The following CEP290 variants were observed in gnomAD, a reference collection of about 807,000 sequenced individuals.
The protein encoded by CEP290 is centrosomal protein 290.
A neutral mutation model predicts 344.9 loss-of-function variants in CEP290; 317 were observed. The observed-to-expected ratio is 0.92, with a 90% confidence interval of 0.84 to 1.01. CEP290 has a LOEUF of 1.01. CEP290 is among the 50% of genes least tolerant of loss of function. The probability of loss-of-function intolerance (pLI) is 0.00; values close to 1 mark genes in which losing one functional copy is unlikely to be tolerated. For missense variants in CEP290, 2,754 were observed against 2,761.4 expected (o/e 1.00, Z 0.06); for synonymous variants, 932 against 895.8 (o/e 1.04, Z -0.72).
chr12:88,077,762 CTT>C lies in CEP290; in HGVS notation c.5519_5520del (p.Lys1840ArgfsTer4). On this transcript the variant is annotated frameshift_variant, in exon 40 of 54. Coordinates refer to ENST00000552810, the MANE Select transcript of CEP290 (RefSeq NM_025114.4). LOFTEE classifies it high-confidence loss of function. Reference sequence around the variant, plus strand: ...TCATCATTCTCTTGATCAATTTCCTCTTTCTCTCTAAGTATTTTATTATAGGC... The same window carrying C: ...TCATCATTCTCTTGATCAATTTCCTCTCTCTCTAAGTATTTTATTATAGGC... ...QKAYNKILRE[K>X]EEIDQENDEL... 6.3e-7 allele frequency: 1 copy of C among 1,581,518 alleles called. No homozygotes were observed. The highest frequency in any genetic ancestry group is 1.2e-5 in the South Asian group (1 of 84,352).
intron 26 of CEP290, 136 bp from the exon 27 acceptor site, chr12:88,097,135 A>C: frequency 1.7e-6 from 1 of 594,848 alleles, no homozygotes; most frequent in East Asian, 3.0e-5. Flanking sequence ...AATTTCCTCC[A>C]TATATAATAC....
chr12:88,055,643 T>C lies in CEP290; in HGVS notation c.6893A>G (p.Gln2298Arg), dbSNP rs1337960015. 5 of 1,572,054 alleles carry C rather than the reference T, an allele frequency of 3.2e-6. No individual in the cohort carries two copies. The Admixed American group carries it at 7.6e-5, about 24-fold the overall frequency. Reference protein sequence around the residue: ...KKNQSITDLKQLVKEATEREQ... With the variant: ...KKNQSITDLKRLVKEATEREQ... ...TCTCTCTGTTGCTTCTTTTACAAGC[T>C]GTTTAAGGTCAGTAATGCTTTGATT... Residue 2298 changes from glutamine to arginine, a missense_variant, in exon 50 of 54, where the codon CAG becomes CGG. By Grantham distance (43) the Gln-to-Arg change is conservative (BLOSUM62 1). Transcript: ENST00000552810.
intron 29 of CEP290, among the ~76,000 whole-genome samples, chr12:88,092,171 G>A (rs1307704872): frequency 1.3e-5 from 2 of 152,112 alleles, no homozygotes; most frequent in Non-Finnish European, 2.9e-5. Flanking sequence ...ATAACCTCAA[G>A]GTTAAGTATA....
chr12:88,120,865 T>C (rs1331678214), intron 14 of CEP290, 132 bp downstream of exon 14: 1 of 731,502 alleles, frequency 1.4e-6, no homozygotes, highest in Non-Finnish European at 2.1e-6. Context: ...TAGTATAAAT[T>C]AATGAGGATA....
Position 88,072,909 on chromosome 12 carries a change from G to C in CEP290, c.5710-983C>G, listed in dbSNP as rs956983075. 4.6e-5 allele frequency among the ~76,000 whole-genome samples: 7 copies of C among 152,066 alleles called. No homozygotes were observed. The South Asian group carries it at 1.0e-3, about 23-fold the overall frequency. Reference sequence around the variant, plus strand: ...GAAATAAATCTAAATCTATTTTGTAGTAAGTTAGCTAGTTTTAAGTGCTAA... The same window carrying C: ...GAAATAAATCTAAATCTATTTTGTACTAAGTTAGCTAGTTTTAAGTGCTAA... On this transcript the variant is annotated intron_variant, in intron 41 of 53. Coordinates refer to ENST00000552810, the MANE Select transcript of CEP290 (RefSeq NM_025114.4).
Position 88,092,936 on chromosome 12 carries a change from T to C in CEP290, c.3310-104A>G, listed in dbSNP as rs1013527476. 1.1e-5 allele frequency: 11 copies of C among 1,025,150 alleles called. No homozygotes were observed. In the African/African-American group the frequency reaches 1.8e-4, roughly 17 times the overall value. 63.5% of individuals were successfully genotyped at this position (1,025,150 alleles called of 1,614,324 possible). A position where few individuals can be genotyped will look rare whatever the true frequency, so the allele number is the denominator to read the frequency against. On this transcript the variant is annotated intron_variant, in intron 28 of 53. Coordinates refer to ENST00000552810, the MANE Select transcript of CEP290 (RefSeq NM_025114.4). ...TGCAATCCTCTTTACTTGGCCTTAG[T>C]TCACATATTATATTAAGTGTGAAGT...
chr12:88,106,219 A>C (rs1452857504), intron 25 of CEP290, among the ~76,000 whole-genome samples: 6 of 152,196 alleles, frequency 3.9e-5, no homozygotes, highest in African/African-American at 1.4e-4. Flanking sequence ...TTTTAGTAAT[A>C]CAAGGGACAC....
intron 53 of CEP290, 113 bp from the exon 54 acceptor site, chr12:88,049,527 T>C: frequency 1.5e-6 from 1 of 648,618 alleles, no homozygotes; most frequent in South Asian, 1.9e-5. Context: ...AATGGTCAAA[T>C]ACAGCAATAA....
intron 52 of CEP290, among the ~76,000 whole-genome samples, chr12:88,051,138 A>G (rs1345511273): frequency 6.6e-6 from 1 of 151,832 alleles, no homozygotes; most frequent in Non-Finnish European, 1.5e-5. Context: ...ATAATAAAAT[A>G]CTAAAAGTTT....
At chr12:88,104,117 T>A (rs1329974338) in intron 25 of CEP290, 1 of 152,078 alleles carries the variant, frequency 6.6e-6, no homozygotes, top group Non-Finnish European at 1.5e-5. Flanking sequence ...ACATGAACAT[T>A]TCCTTATTAC....
chr12:88,071,685 C>T, intron 42 of CEP290, 96 bp downstream of exon 42: 1 of 989,624 alleles, frequency 1.0e-6, no homozygotes, highest in Non-Finnish European at 1.4e-6. Flanking sequence ...TAAACTAGAC[C>T]ATTTCTCATA....
rs1303467253 is a variant in CEP290 at position 88,102,907 on chromosome 12, A to G, written c.2922T>C (p.Ala974=). 1 of 1,610,844 alleles carries G rather than the reference A, an allele frequency of 6.2e-7. No homozygotes were observed. The highest frequency in any genetic ancestry group is 1.1e-5 in the South Asian group (1 of 90,258). The part of the protein sequence containing the change: ...LANKQYNELT[A]KYRDILQKDN... ...CTTTTTGCAAGATGTCCCTGTACTT[A>G]GCAGTCAGTTCATTGTACTGTTTAT... The change falls in exon 26 of 54, where the codon GCT becomes GCC. Residue 974 remains alanine (A), a synonymous_variant. Transcript: ENST00000552810.
intron 29 of CEP290, 36 bp downstream of exon 29, chr12:88,092,645 T>C: frequency 6.4e-7 from 1 of 1,569,902 alleles, no homozygotes; most frequent in Non-Finnish European, 8.6e-7. Context: ...AGAAGATACA[T>C]CTAGTCAAAT....
chr12:88,073,851 C>T (rs193074189), intron 41 of CEP290, among the ~76,000 whole-genome samples: 72 of 152,278 alleles, frequency 4.7e-4, no homozygotes, highest in African/African-American at 1.6e-3. Context: ...TACTAGAGAA[C>T]TATATTCTCC....
rs746876620 is a variant in CEP290, at chr12:88,086,079, A to G, written c.4397T>C (p.Ile1466Thr). The G allele has an allele frequency of 4.3e-6, 7 of 1,612,792 alleles. No homozygotes were observed. Among genetic ancestry groups the G allele is most frequent in the Non-Finnish European group, 5.1e-6 (6 of 1,179,432 alleles). ...ALRKIKENIRIILETRATCKS... is the reference protein window; with the variant it reads ...ALRKIKENIRTILETRATCKS... The stretch of plus-strand genomic sequence containing the variant: ...GCAAGTTGCCCGTGTTTCTAGAATT[A>G]TTCGAATGTTCTCCTTAATTTTCCT... Residue 1466 changes from isoleucine to threonine, a missense_variant, in exon 34 of 54, where the codon ATA (isoleucine) becomes ACA (threonine). Coordinates refer to ENST00000552810, the MANE Select transcript of CEP290 (RefSeq NM_025114.4).
intron 36 of CEP290, 95 bp downstream of exon 36, chr12:88,083,752 G>C: frequency 1.3e-6 from 1 of 783,440 alleles, no homozygotes. Flanking sequence ...GCAACAAAAA[G>C]GGTAACTTCC....
chr12:88,115,030 CT>C, intron 19 of CEP290, 67 bp downstream of exon 19: 1 of 806,244 alleles, frequency 1.2e-6, no homozygotes. Context: ...TGTTAACGCC[CT>C]TTTAGGCCCA....
chr12:88,077,727 C>G lies in CEP290; in HGVS notation c.5556G>C (p.Arg1852Ser), dbSNP rs761953297. Residue 1852 changes from arginine to serine, a missense_variant, in exon 40 of 54, where the codon AGG becomes AGC. Transcript: ENST00000552810. ...ATCCACTGGTTAGTCTTTTAATTTG[C>G]CTTTTCAGTTCATCATTCTCTTGAT... Reference protein sequence around the residue: ...EIDQENDELKRQIKRLTSGLQ... With the variant: ...EIDQENDELKSQIKRLTSGLQ... 6.4e-7 allele frequency: 1 copy of G among 1,565,632 alleles called. No individual in the cohort carries two copies. Among genetic ancestry groups the G allele is most frequent in the African/African-American group, 1.4e-5 (1 of 72,162 alleles).
intron 28 of CEP290, chr12:88,093,466 T>A (rs540643898): frequency 7.2e-5 from 20 of 277,280 alleles, no homozygotes; most frequent in Admixed American, 3.5e-4. Flanking sequence ...TGACATGTAA[T>A]AGGCAATGAA....
Sources: allele counts gnomAD v4.1 joint callset (sites outside exome capture counted in the v4.1 genomes callset), GRCh38; gene constraint gnomAD v4.1.1; transcripts MANE v1.5; gene names NCBI Gene and HGNC (gene_info 2026-07-23, HGNC 2026-07-21).